Variants in KLHL7 observed in about 807,000 individuals in gnomAD.
KLHL7 encodes the protein kelch-like protein 7.
KLHL7 carries 44 observed loss-of-function variants against 67.4 expected under a neutral mutation model. That is an observed-to-expected ratio of 0.65 (90% CI 0.51 to 0.84). The LOEUF (loss-of-function observed/expected upper bound fraction) is 0.84, where lower values mean the gene tolerates loss of function less well. KLHL7 is among the 40% of genes least tolerant of loss of function. The probability of loss-of-function intolerance (pLI) is 0.00; values close to 1 mark genes in which losing one functional copy is unlikely to be tolerated. For synonymous variants in KLHL7, 252 were observed against 243.3 expected (o/e 1.04, Z -0.33); for missense variants, 362 against 718.1 (o/e 0.50, Z 5.67).
At chr7:23,137,755 A>G (rs1784031027) in intron 4 of KLHL7, among the ~76,000 whole-genome samples, 1 of 150,740 alleles carries the variant, frequency 6.6e-6, no homozygotes, top group Non-Finnish European at 1.5e-5. Flanking sequence ...CTGGGGTTAC[A>G]GGCATGAGCC....
intron 4 of KLHL7, among the ~76,000 whole-genome samples, chr7:23,128,719 A>T (rs1291615220): frequency 1.3e-5 from 2 of 151,714 alleles, no homozygotes; most frequent in African/African-American, 2.4e-5. Context: ...CCCAAAAGAA[A>T]CTCCCACACC....
chr7:23,112,271 T>C (rs893421972), intron 1 of KLHL7, among the ~76,000 whole-genome samples: 3 of 152,146 alleles, frequency 2.0e-5, no homozygotes, highest in Non-Finnish European at 4.4e-5. Flanking sequence ...AAGGAGGTAT[T>C]GGAAAAGGAT....
chr7:23,114,098 CTG>C (rs1351318260), intron 1 of KLHL7, among the ~76,000 whole-genome samples: 1 of 152,276 alleles, frequency 6.6e-6, no homozygotes, highest in East Asian at 1.9e-4. Context: ...ACTGAAGACA[CTG>C]TTGTTTTATT....
At chr7:23,109,722 T>G (rs1782786421) in intron 1 of KLHL7, among the ~76,000 whole-genome samples, 1 of 152,242 alleles carries the variant, frequency 6.6e-6, no homozygotes. Context: ...AAACCTTCAG[T>G]GTTAAACCCT....
intron 9 of KLHL7, among the ~76,000 whole-genome samples, chr7:23,170,578 C>T (rs1435402131): frequency 2.0e-5 from 3 of 152,130 alleles, no homozygotes; most frequent in Admixed American, 6.5e-5. Context: ...TTGGAATGTT[C>T]CCAACACAAA....
intron 5 of KLHL7, among the ~76,000 whole-genome samples, chr7:23,143,321 T>A (rs1163856039): frequency 6.6e-6 from 1 of 152,218 alleles, no homozygotes; most frequent in Non-Finnish European, 1.5e-5. Context: ...TTCTTTTGAA[T>A]ATCCTGTAAT....
chr7:23,132,007 GTA>G (rs1166122849), intron 4 of KLHL7, among the ~76,000 whole-genome samples: 3 of 152,056 alleles, frequency 2.0e-5, no homozygotes, highest in African/African-American at 7.2e-5. Flanking sequence ...TGGCTGAGTA[GTA>G]CTCCATTGTG....
At chr7:23,134,471 A>C (rs192014991) in intron 4 of KLHL7, among the ~76,000 whole-genome samples, 1 of 152,278 alleles carries the variant, frequency 6.6e-6, no homozygotes, top group East Asian at 1.9e-4. Flanking sequence ...GCCTCATCAA[A>C]TGAGTTTGGA....
At chr7:23,139,981 G>A (rs1784121047) in intron 4 of KLHL7, among the ~76,000 whole-genome samples, 1 of 151,312 alleles carries the variant, frequency 6.6e-6, no homozygotes, top group Non-Finnish European at 1.5e-5. Context: ...AACAGGCTAT[G>A]GGCTAGATTT....
chr7:23,150,050 T>G (rs1445525631), intron 6 of KLHL7, among the ~76,000 whole-genome samples: 1 of 152,134 alleles, frequency 6.6e-6, no homozygotes, highest in African/African-American at 2.4e-5. Flanking sequence ...TCCCAGTGCT[T>G]TGGGAGGCTG....
chr7:23,143,802 A>G, intron 5 of KLHL7, 49 bp from the exon 6 acceptor site: 2 of 1,557,292 alleles, frequency 1.3e-6, no homozygotes, highest in South Asian at 2.2e-5. Flanking sequence ...AGGTAATTGG[A>G]AATGTTGCTG....
At chr7:23,110,642 T>A (rs943825688) in intron 1 of KLHL7, among the ~76,000 whole-genome samples, 3 of 152,024 alleles carry the variant, frequency 2.0e-5, no homozygotes, top group Non-Finnish European at 4.4e-5. Context: ...TACTTTAAGT[T>A]TTAGGGTACA....
intron 1 of KLHL7, among the ~76,000 whole-genome samples, chr7:23,109,235 C>G (rs1384708889): frequency 3.3e-5 from 5 of 152,192 alleles, no homozygotes; most frequent in African/African-American, 1.2e-4. Flanking sequence ...GCCATTCTAA[C>G]TGGGTGTATA....
chr7:23,119,642 A>G (rs1322297902), intron 1 of KLHL7, among the ~76,000 whole-genome samples: 23 of 152,242 alleles, frequency 1.5e-4, no homozygotes, highest in Admixed American at 1.5e-3. Flanking sequence ...TGCCCTAAAC[A>G]TGTCCTGTTC....
intron 4 of KLHL7, chr7:23,140,513 C>T (rs1468593): frequency 0.33 from 149,607 of 449,348 alleles, 26,348 homozygotes; most frequent in African/African-American, 0.44. Context: ...GCCGAGATCG[C>T]GCCACTGCAC....
chr7:23,146,666 CTTT>C (rs141759768), intron 6 of KLHL7, among the ~76,000 whole-genome samples: 1 of 145,790 alleles, frequency 6.9e-6, no homozygotes, highest in South Asian at 2.1e-4. Flanking sequence ...TCTTCTTCTT[CTTT>C]TTTTTTTAAT....
chr7:23,115,689 C>A (rs909810394), intron 1 of KLHL7, among the ~76,000 whole-genome samples: 1 of 151,754 alleles, frequency 6.6e-6, no homozygotes, highest in Non-Finnish European at 1.5e-5. Context: ...GATTACCGGG[C>A]GTCCACCACC....
Position 23,105,911 on chromosome 7 carries a change from C to T in KLHL7, c.-116C>T, listed in dbSNP as rs893114110. ...GCCTGCCGCGCGTTCCAGAGCTGGG[C>T]GCTGCAGCTGCACTGCCGATCGCCG... On this transcript the variant is annotated 5_prime_UTR_variant, in exon 1 of 11. Coordinates refer to ENST00000339077, the MANE Select transcript of KLHL7 (RefSeq NM_001031710.3). 3.4e-6 allele frequency: 5 copies of T among 1,467,056 alleles called. No homozygotes were observed. Among genetic ancestry groups the T allele is most frequent in the East Asian group, 2.4e-5 (1 of 41,226 alleles). The allele number at this position is 1,467,056 out of a possible 1,614,324, so 90.9% of individuals were successfully genotyped here.
At position 23,177,442 on chromosome 7, in the gene KLHL7, G is replaced by C. The variant is rs979205943; in HGVS notation, c.*3144G>C. On this transcript the variant is annotated 3_prime_UTR_variant, in exon 11 of 11. Transcript: ENST00000339077. The stretch of plus-strand genomic sequence containing the variant: ...CAGGTTTGATGTGGATTATAATGAA[G>C]TGGTTTTTTTCCTTAGTAATCTGTA... The C allele has an allele frequency of 1.3e-5, 2 of 152,118 alleles. No homozygotes were observed. Among genetic ancestry groups the C allele is most frequent in the Admixed American group, 6.6e-5 (1 of 15,262 alleles). 9.4% of individuals were successfully genotyped at this position (152,118 alleles called of 1,614,324 possible).
Sources: allele counts gnomAD v4.1 joint callset (sites outside exome capture counted in the v4.1 genomes callset), GRCh38; gene constraint gnomAD v4.1.1; transcripts MANE v1.5; gene names NCBI Gene and HGNC (gene_info 2026-07-23, HGNC 2026-07-21).